Variants in FAM228B observed in about 807,000 individuals in gnomAD.
FAM228B encodes family with sequence similarity 228 member B.
A neutral mutation model predicts 42.6 loss-of-function variants in FAM228B; 38 were observed. That is an observed-to-expected ratio of 0.89 (90% CI 0.69 to 1.17). The LOEUF is 1.17. Ranked by LOEUF, FAM228B falls within the 50% of genes most tolerant of loss-of-function variation. FAM228B has a pLI of 0.00. For missense variants in FAM228B, 344 were observed against 367.3 expected (o/e 0.94, Z 0.52); for synonymous variants, 109 against 122.3 (o/e 0.89, Z 0.72).
chr2:24,141,229 C>A (rs1666738221), intron 5 of FAM228B, among the ~76,000 whole-genome samples: 2 of 151,942 alleles, frequency 1.3e-5, no homozygotes, highest in South Asian at 4.1e-4. Flanking sequence ...CACACGCCAC[C>A]AGGCCTGGCT....
chr2:24,154,947 A>G (rs940134572), intron 7 of FAM228B, among the ~76,000 whole-genome samples: 2 of 152,242 alleles, frequency 1.3e-5, no homozygotes, highest in Non-Finnish European at 2.9e-5. Flanking sequence ...TGAATGTTAC[A>G]TAAGACAGAA....
intron 2 of FAM228B, among the ~76,000 whole-genome samples, chr2:24,086,787 G>A (rs1665268020): frequency 6.6e-6 from 1 of 152,200 alleles, no homozygotes; most frequent in Non-Finnish European, 1.5e-5. Context: ...CAAAAAACAT[G>A]TCTGAGGATG....
intron 2 of FAM228B, among the ~76,000 whole-genome samples, chr2:24,090,478 C>A (rs953013308): frequency 6.9e-6 from 1 of 145,360 alleles, no homozygotes; most frequent in African/African-American, 2.5e-5. Flanking sequence ...CAGGTACCTG[C>A]GAGGCTGAGG....
chr2:24,116,107 T>C (rs894042534), intron 3 of FAM228B, among the ~76,000 whole-genome samples: 1 of 151,944 alleles, frequency 6.6e-6, no homozygotes, highest in African/African-American at 2.4e-5. Flanking sequence ...GGTGGGTTGA[T>C]CATGAGGTCA....
intron 3 of FAM228B, among the ~76,000 whole-genome samples, chr2:24,114,586 C>T (rs996296606): frequency 2.0e-5 from 3 of 152,116 alleles, no homozygotes; most frequent in African/African-American, 7.2e-5. Flanking sequence ...TTAGTCCAAT[C>T]TAGCTGAACC....
At chr2:24,099,464 C>T (rs573033495) in intron 3 of FAM228B, among the ~76,000 whole-genome samples, 1 of 152,236 alleles carries the variant, frequency 6.6e-6, no homozygotes, top group South Asian at 2.1e-4. Flanking sequence ...CACAAGCATT[C>T]CTATACGCCA....
Position 24,095,927 on chromosome 2 carries a change from GTATTTGCTGTTCTGCAA to G in FAM228B, c.-121+715_-121+731del, listed in dbSNP as rs1665488629. The G allele has an allele frequency of 6.6e-6, 1 of 152,358 alleles. No homozygotes were observed. The highest frequency in any genetic ancestry group is 2.4e-5 in the African/African-American group (1 of 41,456). 9.4% of individuals were successfully genotyped at this position (152,358 alleles called of 1,614,324 possible). A position where few individuals can be genotyped will look rare whatever the true frequency, so the allele number is the denominator to read the frequency against. On this transcript the variant is annotated intron_variant, in intron 3 of 10. Transcript: ENST00000613899. The surrounding 1 kb of genome is among the most constrained non-coding windows in gnomAD (Gnocchi z 4.8). Reference sequence around the variant, plus strand: ...CTTCCAGAGGAAGGATCAGGAAGTAGTATTTGCTGTTCTGCAATATTTGCTGTTCTGCAGCCTCCGCT... The same window carrying G: ...CTTCCAGAGGAAGGATCAGGAAGTAGTATTTGCTGTTCTGCAGCCTCCGCT...
chr2:24,140,188 G>A (rs1341060106), intron 5 of FAM228B, among the ~76,000 whole-genome samples: 3 of 152,022 alleles, frequency 2.0e-5, no homozygotes, highest in Admixed American at 6.6e-5. Flanking sequence ...GTTTTGTTTC[G>A]TTTTTTCAGA....
chr2:24,079,415 CA>C, intron 1 of FAM228B: 1 of 1,609,306 alleles, frequency 6.2e-7, no homozygotes, highest in Non-Finnish European at 8.5e-7. Flanking sequence ...TGGGTTAAAT[CA>C]CATGTTTTCT....
At chr2:24,137,349 C>T (rs1195037569) in intron 3 of FAM228B, among the ~76,000 whole-genome samples, 1 of 152,150 alleles carries the variant, frequency 6.6e-6, no homozygotes, top group Non-Finnish European at 1.5e-5. Context: ...TTCTGAGGCC[C>T]ACCAAACTGG....
intron 5 of FAM228B, among the ~76,000 whole-genome samples, chr2:24,146,061 A>C (rs958028786): frequency 2.0e-5 from 3 of 152,184 alleles, no homozygotes; most frequent in Admixed American, 2.0e-4. Flanking sequence ...AACTTCTGTA[A>C]AAGCAAAATT....
intron 3 of FAM228B, among the ~76,000 whole-genome samples, chr2:24,097,911 A>T (rs1360251719): frequency 6.6e-6 from 1 of 152,244 alleles, no homozygotes; most frequent in Non-Finnish European, 1.5e-5. Flanking sequence ...AATGTAAAAG[A>T]ACAGAAATCA....
At chr2:24,082,848 G>T (rs750911554) in intron 2 of FAM228B, 1 of 1,562,560 alleles carries the variant, frequency 6.4e-7, no homozygotes, top group South Asian at 1.2e-5. Context: ...AAGGTGTTGA[G>T]CCACATTGTG....
At chr2:24,145,018 C>T (rs543965388) in intron 5 of FAM228B, among the ~76,000 whole-genome samples, 11 of 152,296 alleles carry the variant, frequency 7.2e-5, no homozygotes, top group Admixed American at 5.9e-4. Context: ...TGCCAACACC[C>T]GTGTGGACCA....
chr2:24,167,095 C>T (rs1667437188), intron 9 of FAM228B, among the ~76,000 whole-genome samples: 1 of 152,110 alleles, frequency 6.6e-6, no homozygotes, highest in Non-Finnish European at 1.5e-5. Context: ...CATATCTAAT[C>T]AGCATTGTAC....
intron 5 of FAM228B, among the ~76,000 whole-genome samples, chr2:24,139,913 T>G (rs1029425611): frequency 2.0e-5 from 3 of 152,232 alleles, no homozygotes; most frequent in Non-Finnish European, 2.9e-5. Context: ...GGTTTTATAA[T>G]GAGCTTCCCC....
upstream of FAM228B, among the ~76,000 whole-genome samples, chr2:24,121,755 G>A (rs192905304): frequency 6.6e-3 from 1,003 of 152,190 alleles, 6 homozygotes; most frequent in African/African-American, 0.023. Flanking sequence ...AGGAGAGCTG[G>A]CTCTTAGAAA....
intron 7 of FAM228B, among the ~76,000 whole-genome samples, chr2:24,155,394 T>A (rs563413953): frequency 1.2e-4 from 18 of 151,150 alleles, no homozygotes; most frequent in African/African-American, 4.4e-4. Flanking sequence ...TCTCTAGCCT[T>A]ATGGGGGCTG....
rs1425567001 is a variant in FAM228B, at chr2:24,167,674, G to C, written c.*5G>C. 6.4e-7 allele frequency: 1 copy of C among 1,551,422 alleles called. No homozygotes were observed. Among genetic ancestry groups the C allele is most frequent in the East Asian group, 2.4e-5 (1 of 40,916 alleles). On this transcript the variant is annotated 3_prime_UTR_variant, in exon 10 of 11. Coordinates refer to ENST00000615575, the MANE Select transcript of FAM228B (RefSeq NM_001145710.2). Reference sequence around the variant, plus strand: ...CTGCTGAAGCTGGAGCTATAAGAAAGAAGAGGGAGGTAGATGTCTTCTCTC... The same window carrying C: ...CTGCTGAAGCTGGAGCTATAAGAAACAAGAGGGAGGTAGATGTCTTCTCTC...
Sources: gnomAD v4.1 joint callset for allele counts (sites outside exome capture counted in the v4.1 genomes callset) on GRCh38, gnomAD v4.1.1 for gene constraint, Gnocchi (gnomAD v3.1) non-coding constraint, MANE v1.5 for transcripts, NCBI Gene and HGNC (gene_info 2026-07-23, HGNC 2026-07-21) for gene names.